Variants in KDM4B observed in about 807,000 individuals in gnomAD.
KDM4B encodes the protein lysine-specific demethylase 4B.
KDM4B carries 32 observed loss-of-function variants against 125.2 expected under a neutral mutation model. The observed-to-expected ratio is 0.26, with a 90% CI of 0.19 to 0.34. KDM4B has a LOEUF of 0.34. Ranked by LOEUF, KDM4B falls within the 10% of genes least tolerant of loss-of-function variation. The pLI is 1.00. For synonymous variants in KDM4B, 721 were observed against 677.9 expected (o/e 1.06, Z -0.99); for missense variants, 1,190 against 1,577.7 (o/e 0.75, Z 4.16).
intron 13 of KDM4B, 91 bp from the exon 14 acceptor site, chr19:5,133,792 C>G (rs184917951): frequency 7.2e-7 from 1 of 1,386,298 alleles, no homozygotes; most frequent in Admixed American, 1.9e-5. Flanking sequence ...GCTGTAGACC[C>G]GGGGCCATCC....
intron 6 of KDM4B, among the ~76,000 whole-genome samples, chr19:5,061,996 A>G (rs1205740320): frequency 6.6e-6 from 1 of 152,214 alleles, no homozygotes; most frequent in East Asian, 1.9e-4. Flanking sequence ...CTGGGGGAGC[A>G]GGGCTGGCCC....
chr19:5,144,011 C>T lies in KDM4B; in HGVS notation c.2595C>T (p.Ala865=). ...AGCGGATGAAGAAGGTGTCAGGTGC[C>T]TGTATCCAGTGCTCCTACGAGCACT... is the stretch of plus-strand genomic sequence containing the variant. The part of the protein sequence containing the change: ...CRKRMKKVSG[A]CIQCSYEHCS... The change falls in exon 19 of 23, where the codon GCC becomes GCT. Residue 865 remains alanine (A), a synonymous_variant. Transcript: ENST00000159111. 6.3e-7 allele frequency: 1 copy of T among 1,593,244 alleles called. No individual in the cohort carries two copies. The highest frequency in any genetic ancestry group is 2.3e-5 in the East Asian group (1 of 44,198).
intron 11 of KDM4B, among the ~76,000 whole-genome samples, chr19:5,126,047 C>T (rs953475393): frequency 6.6e-6 from 1 of 152,204 alleles, no homozygotes; most frequent in African/African-American, 2.4e-5. Context: ...AGTTTCACGC[C>T]CCTAAAAGCT....
intron 21 of KDM4B, among the ~76,000 whole-genome samples, chr19:5,145,679 A>G (rs2039828561): frequency 6.6e-6 from 1 of 152,156 alleles, no homozygotes; most frequent in Admixed American, 6.5e-5. Flanking sequence ...GTCGCTCCCA[A>G]GCCTGGTGCC....
intron 1 of KDM4B, among the ~76,000 whole-genome samples, chr19:5,009,642 TTCAC>T (rs2145481345): frequency 6.6e-6 from 1 of 152,364 alleles, no homozygotes; most frequent in Non-Finnish European, 1.5e-5. Context: ...CTGTGTACCT[TTCAC>T]TCAGCCCCTA....
chr19:5,032,920 C>T lies in KDM4B; in HGVS notation c.30C>T (p.Asn10=), dbSNP rs1260167514. The T allele has an allele frequency of 6.2e-7, 1 of 1,614,172 alleles. No individual in the cohort carries two copies. Among genetic ancestry groups the T allele is most frequent in the South Asian group, 1.1e-5 (1 of 91,082 alleles). ...GGTCTGAGGACCACGGCGCCCAGAA[C>T]CCCAGCTGTAAAATCATGACGTTTC... MGSEDHGAQ[N]PSCKIMTFRP... is the part of the protein sequence containing the mutation. Residue 10 remains asparagine, a synonymous_variant, in exon 3 of 23, where the codon AAC becomes AAT. Transcript: ENST00000159111.
rs560538610 is a variant in KDM4B at position 5,024,645 on chromosome 19, C to A, written c.-25-8221C>A. ...GCAGGGTCCCTGGAACAAACAGCTGCCCTAAAAAAAAAAAAGGCTTTAAGG... is the reference window on the plus strand; with the variant it reads ...GCAGGGTCCCTGGAACAAACAGCTGACCTAAAAAAAAAAAAGGCTTTAAGG... On this transcript the variant is annotated intron_variant, in intron 2 of 22. Transcript: ENST00000159111. 4.7e-5 allele frequency among the ~76,000 whole-genome samples: 7 copies of A among 148,238 alleles called. No individual in the cohort carries two copies. In the South Asian group the frequency reaches 8.4e-4, roughly 18 times the overall value.
chr19:5,092,438 C>G (rs777847671), intron 9 of KDM4B, among the ~76,000 whole-genome samples: 29 of 152,196 alleles, frequency 1.9e-4, no homozygotes, highest in Admixed American at 9.8e-4. Flanking sequence ...CCACTGCTCT[C>G]GGCTTTCGGG....
chr19:5,086,532 T>TGA (rs2038504183), intron 9 of KDM4B, among the ~76,000 whole-genome samples: 1 of 152,244 alleles, frequency 6.6e-6, no homozygotes, highest in African/African-American at 2.4e-5. Flanking sequence ...CCCGCGGAGT[T>TGA]GAGTAGTTCC....
At chr19:4,976,295 A>G (rs1202770854) in intron 1 of KDM4B, among the ~76,000 whole-genome samples, 1 of 152,084 alleles carries the variant, frequency 6.6e-6, no homozygotes, top group Non-Finnish European at 1.5e-5. Flanking sequence ...AGGATCCTTA[A>G]AACTGCAGGA....
intron 11 of KDM4B, among the ~76,000 whole-genome samples, chr19:5,124,687 C>A: frequency 6.6e-6 from 1 of 152,218 alleles, no homozygotes; most frequent in East Asian, 1.9e-4. Flanking sequence ...CCTCTACCTC[C>A]CAGGTTCAAA....
chr19:5,066,940 CGGGTCCT>C (rs1380684747), intron 6 of KDM4B, among the ~76,000 whole-genome samples: 1 of 152,146 alleles, frequency 6.6e-6, no homozygotes, highest in Non-Finnish European at 1.5e-5. Context: ...TGGCGATGCC[CGGGTCCT>C]GGGTCCTGGG....
At chr19:5,072,656 A>C (rs1198842411) in intron 7 of KDM4B, among the ~76,000 whole-genome samples, 1 of 152,242 alleles carries the variant, frequency 6.6e-6, no homozygotes, top group Non-Finnish European at 1.5e-5. Context: ...CTAAAGAAAC[A>C]TTCCCCATGT....
intron 5 of KDM4B, among the ~76,000 whole-genome samples, chr19:5,044,151 C>T (rs28708706): frequency 2.1e-5 from 2 of 93,270 alleles, no homozygotes; most frequent in African/African-American, 4.6e-5. Context: ...TTATCCCACG[C>T]GGTGTTTATC....
At chr19:5,088,210 G>A (rs1001352412) in intron 9 of KDM4B, among the ~76,000 whole-genome samples, 8 of 152,206 alleles carry the variant, frequency 5.3e-5, no homozygotes, top group African/African-American at 1.7e-4. Context: ...CAGGGTGACC[G>A]TCCACACCTG....
At chr19:5,026,133 G>T (rs2036270647) in intron 2 of KDM4B, among the ~76,000 whole-genome samples, 1 of 151,728 alleles carries the variant, frequency 6.6e-6, no homozygotes, top group African/African-American at 2.4e-5. Flanking sequence ...CAGGGACAGG[G>T]CGTGGTGGCT....
At chr19:4,985,018 T>C (rs1337631274) in intron 1 of KDM4B, among the ~76,000 whole-genome samples, 2 of 152,166 alleles carry the variant, frequency 1.3e-5, no homozygotes, top group Admixed American at 1.3e-4. Context: ...ATTTATTTTA[T>C]GGTATAAAAA....
intron 6 of KDM4B, among the ~76,000 whole-genome samples, chr19:5,065,839 C>A (rs2037752019): frequency 6.6e-6 from 1 of 152,248 alleles, no homozygotes; most frequent in African/African-American, 2.4e-5. Flanking sequence ...CCAGGAGCCC[C>A]TGGGGAATGG....
intron 11 of KDM4B, 113 bp from the exon 12 acceptor site, chr19:5,130,963 G>A: frequency 1.3e-6 from 1 of 778,456 alleles, no homozygotes; most frequent in Non-Finnish European, 2.0e-6. Flanking sequence ...TGGCCTCTCT[G>A]GGTGGAAGGA....
Sources: gnomAD v4.1 joint callset for allele counts (sites outside exome capture counted in the v4.1 genomes callset) on GRCh38, gnomAD v4.1.1 for gene constraint, MANE v1.5 for transcripts, NCBI Gene and HGNC (gene_info 2026-07-23, HGNC 2026-07-21) for gene names.